Variants in CPNE8 observed in about 807,000 individuals in gnomAD.
CPNE8 encodes copine-8.
Under a neutral mutation model 81.5 loss-of-function variants are expected in CPNE8, and 45 were observed. The observed-to-expected ratio is 0.55, with a 90% CI of 0.44 to 0.71. The LOEUF is 0.71. CPNE8 is among the 30% of genes least tolerant of loss of function. The pLI, the probability that CPNE8 is intolerant of heterozygous loss-of-function variation, is 0.00. For synonymous variants in CPNE8, 252 were observed against 226.3 expected (o/e 1.11, Z -1.02); for missense variants, 594 against 672.1 (o/e 0.88, Z 1.28).
intron 13 of CPNE8, among the ~76,000 whole-genome samples, chr12:38,712,527 T>C (rs1269381276): frequency 6.6e-6 from 1 of 152,174 alleles, no homozygotes; most frequent in African/African-American, 2.4e-5. Flanking sequence ...ACCAATTTTA[T>C]AAAACTAAAT....
intron 2 of CPNE8, among the ~76,000 whole-genome samples, chr12:38,874,069 G>T: frequency 6.7e-6 from 1 of 149,906 alleles, no homozygotes. Context: ...CAAAGTGCTG[G>T]GATTATAGGC....
intron 6 of CPNE8, among the ~76,000 whole-genome samples, chr12:38,793,950 C>T (rs1942392134): frequency 1.3e-5 from 2 of 151,904 alleles, no homozygotes; most frequent in Non-Finnish European, 2.9e-5. Flanking sequence ...ATGAGAATTC[C>T]AAGACTTCTT....
intron 6 of CPNE8, among the ~76,000 whole-genome samples, chr12:38,782,323 T>C (rs886219846): frequency 2.0e-5 from 3 of 152,176 alleles, no homozygotes; most frequent in Non-Finnish European, 4.4e-5. Flanking sequence ...TTATGATTCT[T>C]AATTAAATTT....
chr12:38,826,979 C>T (rs1943206642), intron 6 of CPNE8, among the ~76,000 whole-genome samples: 1 of 147,660 alleles, frequency 6.8e-6, no homozygotes, highest in South Asian at 2.2e-4. Context: ...ACCAGCCTGA[C>T]CAACATGCTG....
At chr12:38,905,696 C>T, upstream of CPNE8, 2 of 1,452,466 alleles carry the variant, frequency 1.4e-6, no homozygotes, top group Non-Finnish European at 1.8e-6. Context: ...AGGCGGACCT[C>T]CGCGCAGAGC....
intron 8 of CPNE8, among the ~76,000 whole-genome samples, chr12:38,766,913 C>T (rs935721315): frequency 1.3e-5 from 2 of 151,882 alleles, no homozygotes; most frequent in Non-Finnish European, 2.9e-5. Flanking sequence ...TGATTACTAC[C>T]CCATTTTACA....
intron 6 of CPNE8, among the ~76,000 whole-genome samples, chr12:38,809,783 G>A (rs1026115372): frequency 1.3e-5 from 2 of 152,062 alleles, no homozygotes; most frequent in South Asian, 2.1e-4. Flanking sequence ...CATATGGTTG[G>A]GGCTCTGTAT....
At chr12:38,836,831 C>T (rs911764672) in intron 5 of CPNE8, among the ~76,000 whole-genome samples, 2 of 152,108 alleles carry the variant, frequency 1.3e-5, no homozygotes, top group Non-Finnish European at 2.9e-5. Context: ...GCGTCTTTAC[C>T]TAAAATCTGT....
intron 15 of CPNE8, among the ~76,000 whole-genome samples, chr12:38,691,006 G>A (rs994779933): frequency 1.3e-5 from 2 of 151,940 alleles, no homozygotes; most frequent in Non-Finnish European, 2.9e-5. Flanking sequence ...GAAATTGTGT[G>A]GGTGATGGAA....
chr12:38,905,600 G>A, upstream of CPNE8: 1 of 1,531,644 alleles, frequency 6.5e-7, no homozygotes, highest in South Asian at 1.2e-5. Flanking sequence ...CTGAGGGCTA[G>A]CTCCCGTCAG....
At chr12:38,888,858 A>G (rs1012700651) in intron 1 of CPNE8, among the ~76,000 whole-genome samples, 1 of 152,202 alleles carries the variant, frequency 6.6e-6, no homozygotes, top group South Asian at 2.1e-4. Context: ...TTTCAACTCA[A>G]TTAATACTAT....
chr12:38,832,406 G>C (rs1943302161), intron 5 of CPNE8, among the ~76,000 whole-genome samples: 1 of 152,192 alleles, frequency 6.6e-6, no homozygotes, highest in African/African-American at 2.4e-5. Context: ...AACTGGGACT[G>C]CTGAAGAATC....
At chr12:38,764,260 G>A (rs1210912635) in intron 8 of CPNE8, among the ~76,000 whole-genome samples, 1 of 152,156 alleles carries the variant, frequency 6.6e-6, no homozygotes, top group Non-Finnish European at 1.5e-5. Context: ...GATAGGGCAA[G>A]TTAGGGGAGG....
At chr12:38,688,644 A>G (rs917538814) in intron 15 of CPNE8, among the ~76,000 whole-genome samples, 1 of 151,984 alleles carries the variant, frequency 6.6e-6, no homozygotes, top group Non-Finnish European at 1.5e-5. Flanking sequence ...CTACTCAACC[A>G]TAAAAAGGAA....
chr12:38,826,046 CT>C (rs1202841851), intron 6 of CPNE8, among the ~76,000 whole-genome samples: 1 of 152,000 alleles, frequency 6.6e-6, no homozygotes, highest in Non-Finnish European at 1.5e-5. Flanking sequence ...GGTTTTGTTT[CT>C]TTGCTTTTTT....
chr12:38,791,271 C>T (rs1942315907), intron 6 of CPNE8, among the ~76,000 whole-genome samples: 1 of 151,570 alleles, frequency 6.6e-6, no homozygotes, highest in South Asian at 2.1e-4. Context: ...ACCACCTACT[C>T]AATGACCTTT....
intron 4 of CPNE8, among the ~76,000 whole-genome samples, chr12:38,841,828 C>A (rs1403633834): frequency 5.3e-5 from 8 of 151,970 alleles, no homozygotes; most frequent in Non-Finnish European, 1.2e-4. Context: ...ATAGTCTCTC[C>A]TCCAGAAGTC....
chr12:38,703,838 T>C (rs758487492), intron 13 of CPNE8, among the ~76,000 whole-genome samples: 40 of 152,012 alleles, frequency 2.6e-4, no homozygotes, highest in Non-Finnish European at 4.7e-4. Context: ...TGCAATCCCA[T>C]TCACAAGAGT....
intron 18 of CPNE8, among the ~76,000 whole-genome samples, chr12:38,675,214 C>T (rs978971751): frequency 6.6e-6 from 1 of 152,176 alleles, no homozygotes; most frequent in East Asian, 1.9e-4. Context: ...TATGACACAA[C>T]TTCTTTATTT....
Sources: allele counts gnomAD v4.1 joint callset (sites outside exome capture counted in the v4.1 genomes callset), GRCh38; gene constraint gnomAD v4.1.1; transcripts MANE v1.5; gene names NCBI Gene and HGNC (gene_info 2026-07-23, HGNC 2026-07-21).